The following STAMBP variants were observed in gnomAD, a reference collection of about 807,000 sequenced individuals.
The protein encoded by STAMBP is STAM binding protein.
A neutral mutation model predicts 50.7 loss-of-function variants in STAMBP; 31 were observed. That is an observed-to-expected ratio of 0.61 (90% CI 0.46 to 0.83). The LOEUF is 0.83. Ranked by LOEUF, STAMBP falls within the 40% of genes least tolerant of loss-of-function variation. The pLI, the probability that STAMBP is intolerant of heterozygous loss-of-function variation, is 0.00. For synonymous variants in STAMBP, 211 were observed against 192.4 expected, an observed-to-expected ratio of 1.10 and a Z score of -0.80; for missense variants, 472 against 518.9, an observed-to-expected ratio of 0.91 and a Z score of 0.88.
rs145850419 is a variant in STAMBP at position 73,830,956 on chromosome 2, C to G, written c.100C>G (p.Arg34Gly). The change falls in exon 2 of 10, where the codon CGT (arginine) becomes GGT (glycine). Residue 34 changes from arginine (R) to glycine (G), a missense_variant. Arg to Gly is a moderately radical substitution (Grantham distance 125, BLOSUM62 -2). Transcript: ENST00000394070. ...AGAGGTGAATGAAGACATTCCACCC[C>G]GTCGGTACTTCCGCTCTGGAGTTGA... is the stretch of plus-strand genomic sequence containing the variant. ...AVEVNEDIPP[R>G]RYFRSGVEII... is the part of the protein sequence containing the mutation. 1 of 1,614,172 alleles carries G rather than the reference C, an allele frequency of 6.2e-7. No homozygotes were observed. The highest frequency in any genetic ancestry group is 2.2e-5 in the East Asian group (1 of 44,888).
At chr2:73,835,295 A>G (rs143477047) in intron 2 of STAMBP, among the ~76,000 whole-genome samples, 1,780 of 150,704 alleles carry the variant, frequency 0.012, 29 homozygotes, top group African/African-American at 0.041. Flanking sequence ...CAGAGGTTTC[A>G]GTGAGCCAAG....
In STAMBP at chr2:73,850,421, A is replaced by G; in HGVS notation, c.913A>G (p.Ser305Gly). 1 of 1,613,486 alleles carries G rather than the reference A, an allele frequency of 6.2e-7. No individual in the cohort carries two copies. Residue 305 changes from serine (S) to glycine (G), a missense_variant, in exon 7 of 10, where the codon AGT (serine) becomes GGT (glycine). By Grantham distance (56) the Ser-to-Gly change is moderately conservative (BLOSUM62 0). Coordinates refer to ENST00000394070, the MANE Select transcript of STAMBP (RefSeq NM_213622.4). This position sits in a 1 kb window ranked among gnomAD's most constrained non-coding sequence, Gnocchi z 4.3. ...TACCCATGTTCTCATCCCCAAGCAA[A>G]GTGCTGGGTCTGATTACTGCAACAC... The part of the protein sequence containing the change: ...TITHVLIPKQ[S>G]AGSDYCNTEN...
intron 2 of STAMBP, among the ~76,000 whole-genome samples, chr2:73,835,399 G>A (rs1264641809): frequency 6.6e-6 from 1 of 151,872 alleles, no homozygotes; most frequent in East Asian, 1.9e-4. Context: ...GCCCAGGCTG[G>A]TCTCGAACTC....
rs745310151 is a variant in STAMBP, at chr2:73,849,374, G to A, written c.754G>A (p.Asp252Asn). 7.4e-6 allele frequency: 12 copies of A among 1,613,862 alleles called. No homozygotes were observed. Among genetic ancestry groups the A allele is most frequent in the Middle Eastern group, 1.7e-4 (1 of 6,046 alleles). Reference protein sequence around the residue: ...LSNSESIPTIDGLRHVVVPGR... With the variant: ...LSNSESIPTINGLRHVVVPGR... ...TTTCTCCTTTACAGTTCCCACAATC[G>A]ATGGATTGCGCCATGTGGTGGTGCC... is the stretch of plus-strand genomic sequence containing the variant. Residue 252 changes from aspartate to asparagine, a missense_variant, in exon 6 of 10, where the codon GAT (aspartate) becomes AAT (asparagine). Physicochemically the swap from Asp to Asn is conservative, Grantham distance 23 (BLOSUM62 1). Coordinates refer to ENST00000394070, the MANE Select transcript of STAMBP (RefSeq NM_213622.4).
chr2:73,845,363 T>G lies in STAMBP; in HGVS notation c.375+101T>G, dbSNP rs1675932434. ...AATATATCCTGTGCTTTTAATGTGC[T>G]GTTTCACCTTTTTTGGGCAAAGACC... On this transcript the variant is annotated intron_variant, in intron 4 of 9. Coordinates refer to ENST00000394070, the MANE Select transcript of STAMBP (RefSeq NM_213622.4). 9 of 831,696 alleles carry G rather than the reference T, an allele frequency of 1.1e-5. No homozygotes were observed. In the East Asian group the frequency reaches 2.4e-4, roughly 22 times the overall value. The allele number at this position is 831,696 out of a possible 1,614,324, so 51.5% of individuals were successfully genotyped here.
chr2:73,840,191 G>C (rs1428545219), intron 2 of STAMBP, among the ~76,000 whole-genome samples: 1 of 152,036 alleles, frequency 6.6e-6, no homozygotes, highest in Non-Finnish European at 1.5e-5. Flanking sequence ...AATAATTCTG[G>C]ACCCTGTAGT....
chr2:73,843,539 G>T (rs948383000), intron 2 of STAMBP, among the ~76,000 whole-genome samples: 3 of 151,722 alleles, frequency 2.0e-5, no homozygotes, highest in African/African-American at 7.3e-5. Flanking sequence ...AAAGTGCTGG[G>T]ATTACAGGCA....
In STAMBP at chr2:73,845,205, G is replaced by A; in HGVS notation, c.318G>A (p.Leu106=). The change falls in exon 4 of 10, where the codon CTG becomes CTA. Residue 106 remains leucine, a synonymous_variant. Transcript: ENST00000394070. Reference sequence around the variant, plus strand: ...TTGCATTTCCCAAAGCAGAAGAGCTGAAGGCAGAGCTGTTAAAACGATATA... The same window carrying A: ...TTGCATTTCCCAAAGCAGAAGAGCTAAAGGCAGAGCTGTTAAAACGATATA... ...KEIAFPKAEE[L]KAELLKRYTK... 4.3e-6 allele frequency: 7 copies of A among 1,614,126 alleles called. No homozygotes were observed. Among genetic ancestry groups the A allele is most frequent in the Non-Finnish European group, 5.9e-6 (7 of 1,179,972 alleles).
Position 73,860,105 on chromosome 2 carries a change from G to T in STAMBP, c.1172G>T (p.Arg391Leu). The change falls in exon 9 of 10, where the codon CGC becomes CTC. Residue 391 changes from arginine (R) to leucine (L), a missense_variant. Physicochemically the swap from Arg to Leu is moderately radical, Grantham distance 102 (BLOSUM62 -2). Coordinates refer to ENST00000394070, the MANE Select transcript of STAMBP (RefSeq NM_213622.4). ...GGACTAGAGGAGATTTCTTCCTGTCGCCAGAAAGGATTTCATCCACACAGC... is the reference window on the plus strand; with the variant it reads ...GGACTAGAGGAGATTTCTTCCTGTCTCCAGAAAGGATTTCATCCACACAGC... ...DHGLEEISSC[R>L]QKGFHPHSKD... is the part of the protein sequence containing the mutation. 6.2e-7 allele frequency: 1 copy of T among 1,613,562 alleles called. No individual in the cohort carries two copies. Among genetic ancestry groups the T allele is most frequent in the Non-Finnish European group, 8.5e-7 (1 of 1,179,938 alleles).
At chr2:73,840,696 A>G (rs1675282566) in intron 2 of STAMBP, among the ~76,000 whole-genome samples, 1 of 151,564 alleles carries the variant, frequency 6.6e-6, no homozygotes, top group Non-Finnish European at 1.5e-5. Flanking sequence ...GTGAGCCGAG[A>G]CTGCCCCACT....
rs1311738607 is a variant in STAMBP at position 73,865,178 on chromosome 2, T to C, written c.*2919T>C. On this transcript the variant is annotated 3_prime_UTR_variant, in exon 10 of 10. Transcript: ENST00000394070. ...CCCCAGTTGAAAGAGAAATTTTTCA[T>C]ATTGGGGTTGAGAAGAATGGAGGCT... is the stretch of plus-strand genomic sequence containing the variant. The C allele has an allele frequency of 1.3e-5, 2 of 152,228 alleles. No individual in the cohort carries two copies. The highest frequency in any genetic ancestry group is 2.9e-5 in the Non-Finnish European group (2 of 68,040). The allele number at this position is 152,228 out of a possible 1,614,324, so 9.4% of individuals were successfully genotyped here.
At chr2:73,858,410 G>A (rs1181928049) in intron 7 of STAMBP, among the ~76,000 whole-genome samples, 1 of 151,742 alleles carries the variant, frequency 6.6e-6, no homozygotes, top group Admixed American at 6.6e-5. Flanking sequence ...AAGTGCTGGG[G>A]GTTACGGACA....
At position 73,855,004 on chromosome 2, in the gene STAMBP, A is replaced by G. The variant is rs556007170; in HGVS notation, c.1006-4250A>G. 2.0e-5 allele frequency among the ~76,000 whole-genome samples: 3 copies of G among 152,340 alleles called. No individual in the cohort carries two copies. In the East Asian group the frequency reaches 5.8e-4, roughly 29 times the overall value. ...AGAGCGAAAACCCTATCTCAAAAAC[A>G]AACGAAAAGCAGACCGAAAGATTTA... On this transcript the variant is annotated intron_variant, in intron 7 of 9. Transcript: ENST00000394070.
rs368533550 is a variant in STAMBP at position 73,855,024 on chromosome 2, G to T, written c.1006-4230G>T. ...AAAACAAACGAAAAGCAGACCGAAA[G>T]ATTTATTCAGATCTTAAAATTGGCC... On this transcript the variant is annotated intron_variant, in intron 7 of 9. Transcript: ENST00000394070. Among the ~76,000 whole-genome samples, 9 of 152,252 alleles carry T rather than the reference G, an allele frequency of 5.9e-5. No individual in the cohort carries two copies. The East Asian group carries it at 1.4e-3, about 23-fold the overall frequency.
At chr2:73,871,974 T>C (rs1448034790), downstream of STAMBP, among the ~76,000 whole-genome samples, 2 of 152,036 alleles carry the variant, frequency 1.3e-5, no homozygotes, top group African/African-American at 2.4e-5. Context: ...GGTTTCACCA[T>C]GTTGGCCAAG....
intron 3 of STAMBP, 23 bp from the exon 4 acceptor site, chr2:73,845,144 C>G: frequency 6.2e-7 from 1 of 1,608,466 alleles, no homozygotes; most frequent in Non-Finnish European, 8.5e-7. Context: ...TGTTCTAATT[C>G]TATTTTCTGT....
At chr2:73,861,959 G>A (rs1421655065) in intron 9 of STAMBP, among the ~76,000 whole-genome samples, 4 of 151,972 alleles carry the variant, frequency 2.6e-5, no homozygotes, top group Non-Finnish European at 4.4e-5. Flanking sequence ...CCAACATGGC[G>A]AAACCCCACC....
chr2:73,855,106 C>T (rs1357990897), intron 7 of STAMBP, among the ~76,000 whole-genome samples: 1 of 152,204 alleles, frequency 6.6e-6, no homozygotes, highest in African/African-American at 2.4e-5. Context: ...TATGAATCAG[C>T]TGCCCAGGTC....
chr2:73,852,491 C>T (rs1467923772), intron 7 of STAMBP, among the ~76,000 whole-genome samples: 1 of 152,134 alleles, frequency 6.6e-6, no homozygotes, highest in Non-Finnish European at 1.5e-5. Context: ...TGGGAATCCA[C>T]TATTTAGTGC....
Sources: allele counts gnomAD v4.1 joint callset (sites outside exome capture counted in the v4.1 genomes callset), GRCh38; gene constraint gnomAD v4.1.1; non-coding constraint Gnocchi (gnomAD v3.1); transcripts MANE v1.5; gene names NCBI Gene and HGNC (gene_info 2026-07-23, HGNC 2026-07-21).